Variants in RFX8 observed in about 807,000 individuals in gnomAD.
RFX8 encodes the protein regulatory factor X8.
A neutral mutation model predicts 54.6 loss-of-function variants in RFX8; 46 were observed. The observed-to-expected ratio is 0.84, with a 90% CI of 0.67 to 1.08. The LOEUF is 1.08. Ranked by LOEUF, RFX8 falls within the 50% of genes least tolerant of loss-of-function variation. The pLI, the probability that RFX8 is intolerant of heterozygous loss-of-function variation, is 0.00. For missense variants in RFX8, 536 were observed against 562.3 expected (o/e 0.95, Z 0.47); for synonymous variants, 192 against 209.5 (o/e 0.92, Z 0.72).
At chr2:101,408,564 G>A (rs1429016982) in intron 9 of RFX8, among the ~76,000 whole-genome samples, 2 of 152,156 alleles carry the variant, frequency 1.3e-5, no homozygotes, top group Non-Finnish European at 2.9e-5. Context: ...GCCTGTCTGT[G>A]AGGATGTATA....
At position 101,417,539 on chromosome 2, in the gene RFX8, A is replaced by T. The variant is rs1686601828; in HGVS notation, c.497T>A (p.Leu166His). 15 of 1,547,174 alleles carry T rather than the reference A, an allele frequency of 9.7e-6. No individual in the cohort carries two copies. The highest frequency in any genetic ancestry group is 1.2e-5 in the Non-Finnish European group (14 of 1,145,524). The change falls in exon 6 of 12, where the codon CTC becomes CAC. Residue 166 changes from leucine to histidine, a missense_variant. Leu to His is a moderately conservative substitution (Grantham distance 99). Transcript: ENST00000428343. ...TTTTTTTCATCGAAACCTACCTTTGAGTTTGGAGATCTGCAAGAGGGCTGG... is the reference window on the plus strand; with the variant it reads ...TTTTTTTCATCGAAACCTACCTTTGTGTTTGGAGATCTGCAAGAGGGCTGG... ...GVPALLQISK[L>H]KEVTLFVKRL...
At chr2:101,456,770 T>C (rs1174645428) in intron 2 of RFX8, among the ~76,000 whole-genome samples, 1 of 152,192 alleles carries the variant, frequency 6.6e-6, no homozygotes, top group Non-Finnish European at 1.5e-5. Flanking sequence ...TTGATTGGAA[T>C]AGTTTCAGAA....
chr2:101,422,765 C>A (rs1306358912), intron 2 of RFX8, among the ~76,000 whole-genome samples: 1 of 152,176 alleles, frequency 6.6e-6, no homozygotes, highest in Non-Finnish European at 1.5e-5. Context: ...TAGGAATGTA[C>A]AATAAGACTA....
intron 2 of RFX8, among the ~76,000 whole-genome samples, chr2:101,452,132 C>T (rs536497491): frequency 6.6e-6 from 1 of 152,242 alleles, no homozygotes; most frequent in South Asian, 2.1e-4. Flanking sequence ...AGACATTTAC[C>T]TAACTGTAGA....
Position 101,397,660 on chromosome 2 carries a change from C to A in RFX8, c.1310G>T (p.Gly437Val). ...ESAVKLSLPM[G>V]QEALITLKDG... ...TTTTAGGGTTATGAGGGCTTCTTGT[C>A]CCATAGGAAGGCTGAGTTTAACTGC... The change falls in exon 12 of 12, where the codon GGA (glycine) becomes GTA (valine). Residue 437 changes from glycine (G) to valine (V), a missense_variant. Gly to Val is a moderately radical substitution (Grantham distance 109, BLOSUM62 -3). Coordinates refer to ENST00000428343, the MANE Select transcript of RFX8 (RefSeq NM_001145664.2). The A allele has an allele frequency of 6.4e-7, 1 of 1,551,290 alleles. No individual in the cohort carries two copies. The highest frequency in any genetic ancestry group is 8.7e-7 in the Non-Finnish European group (1 of 1,146,818).
At chr2:101,450,902 G>A (rs909698879) in intron 2 of RFX8, among the ~76,000 whole-genome samples, 1 of 152,130 alleles carries the variant, frequency 6.6e-6, no homozygotes. Context: ...TAGGCTTGTG[G>A]AGGCTCTCCT....
Position 101,402,306 on chromosome 2 carries a change from C to T in RFX8, c.1245+130G>A, listed in dbSNP as rs1488686721. ...ATTAAACTCACCCCTGGCAAAATCA[C>T]CTAGGGTAAAGATGACTGTAGAATC... On this transcript the variant is annotated intron_variant, in intron 11 of 11. Coordinates refer to ENST00000428343, the MANE Select transcript of RFX8 (RefSeq NM_001145664.2). The T allele has an allele frequency of 1.8e-5, 15 of 841,432 alleles. No individual in the cohort carries two copies. In the South Asian group the frequency reaches 2.6e-4, roughly 15 times the overall value. The allele number at this position is 841,432 out of a possible 1,614,324, so 52.1% of individuals were successfully genotyped here. A position where few individuals can be genotyped will look rare whatever the true frequency, so the allele number is the denominator to read the frequency against.
At chr2:101,437,256 A>G (rs6543056) in intron 2 of RFX8, among the ~76,000 whole-genome samples, 114,602 of 151,506 alleles carry the variant, frequency 0.76, 44,278 homozygotes, top group Middle Eastern at 0.88. Context: ...GGGCAACACA[A>G]TAAGACCCGT....
chr2:101,412,781 G>T, intron 8 of RFX8, 134 bp downstream of exon 8: 2 of 904,544 alleles, frequency 2.2e-6, no homozygotes, highest in Non-Finnish European at 1.6e-6. Flanking sequence ...GAAGAGAAGT[G>T]TGAGCAGACA....
chr2:101,398,275 C>G (rs1264483177), intron 11 of RFX8, among the ~76,000 whole-genome samples: 1 of 152,154 alleles, frequency 6.6e-6, no homozygotes, highest in Non-Finnish European at 1.5e-5. Flanking sequence ...CTGATGGGCT[C>G]TCTTTAGGGA....
intron 2 of RFX8, among the ~76,000 whole-genome samples, chr2:101,460,843 A>G (rs1362042142): frequency 6.6e-6 from 1 of 151,498 alleles, no homozygotes; most frequent in Non-Finnish European, 1.5e-5. Context: ...TCCTGCAGGA[A>G]GTCCACACAA....
intron 2 of RFX8, among the ~76,000 whole-genome samples, chr2:101,431,953 A>G (rs1573416350): frequency 6.6e-6 from 1 of 152,040 alleles, no homozygotes; most frequent in African/African-American, 2.4e-5. Context: ...TCACTGGGAG[A>G]GCTATGTTAC....
In RFX8 at chr2:101,414,834, T is replaced by C; in HGVS notation, c.561+20A>G. 1 of 1,538,882 alleles carries C rather than the reference T, an allele frequency of 6.5e-7. No homozygotes were observed. The highest frequency in any genetic ancestry group is 8.8e-7 in the Non-Finnish European group (1 of 1,135,984). ...CAGGAAACTGCTTTGTTCCCTCCTATCTGCTTGGCTGAAGCCTACCTTAGC... is the reference window on the plus strand; with the variant it reads ...CAGGAAACTGCTTTGTTCCCTCCTACCTGCTTGGCTGAAGCCTACCTTAGC... On this transcript the variant is annotated intron_variant, in intron 7 of 11. Coordinates refer to ENST00000428343, the MANE Select transcript of RFX8 (RefSeq NM_001145664.2).
At chr2:101,464,983 C>T (rs1024274239) in intron 2 of RFX8, among the ~76,000 whole-genome samples, 1 of 152,178 alleles carries the variant, frequency 6.6e-6, no homozygotes, top group Admixed American at 6.5e-5. Context: ...GGATACCCAG[C>T]ACTCAGCTCA....
intron 2 of RFX8, among the ~76,000 whole-genome samples, chr2:101,442,345 T>G (rs913038724): frequency 2.0e-5 from 3 of 152,264 alleles, no homozygotes; most frequent in East Asian, 3.8e-4. Flanking sequence ...TTTTCTCTTC[T>G]GATACTCCAA....
At chr2:101,460,296 G>T (rs1230766896) in intron 2 of RFX8, among the ~76,000 whole-genome samples, 9 of 144,636 alleles carry the variant, frequency 6.2e-5, no homozygotes, top group African/African-American at 2.4e-4. Flanking sequence ...ACCTCAGTTG[G>T]ATATGCAGAA....
chr2:101,432,383 T>G (rs4850974), intron 2 of RFX8, among the ~76,000 whole-genome samples: 111,183 of 151,450 alleles, frequency 0.73, 42,261 homozygotes, highest in Middle Eastern at 0.88. Flanking sequence ...GCACCCTGAG[T>G]GTCTGGCAGA....
chr2:101,407,411 G>T (rs558749987), intron 9 of RFX8, among the ~76,000 whole-genome samples: 4 of 152,232 alleles, frequency 2.6e-5, no homozygotes, highest in African/African-American at 9.6e-5. Context: ...CAGGGATCCT[G>T]CTGGGCACGG....
intron 9 of RFX8, among the ~76,000 whole-genome samples, chr2:101,408,895 G>A (rs951492239): frequency 2.0e-5 from 3 of 152,116 alleles, no homozygotes; most frequent in African/African-American, 7.3e-5. Flanking sequence ...TACAGACAAG[G>A]CCAGGCAGGT....
Sources: allele counts gnomAD v4.1 joint callset (sites outside exome capture counted in the v4.1 genomes callset), GRCh38; gene constraint gnomAD v4.1.1; transcripts MANE v1.5; gene names NCBI Gene and HGNC (gene_info 2026-07-23, HGNC 2026-07-21).